The following SVIL variants were observed in gnomAD, a reference collection of about 807,000 sequenced individuals.
The protein encoded by SVIL is supervillin, also known as archvillin.
A neutral mutation model predicts 240.4 loss-of-function variants in SVIL; 101 were observed. The ratio of observed to expected loss-of-function variants is 0.42; its 90% CI spans 0.36 to 0.50. The LOEUF is 0.50. Among genes scored for constraint, SVIL ranks in the 20% least tolerant of loss-of-function variants. The pLI is 0.01. For missense variants in SVIL, 2,512 were observed against 2,818.7 expected, an observed-to-expected ratio of 0.89 and a Z score of 2.46; for synonymous variants, 999 against 1,100.0, an observed-to-expected ratio of 0.91 and a Z score of 1.82.
At chr10:29,731,029 C>T (rs942361025) in intron 1 of SVIL, among the ~76,000 whole-genome samples, 8 of 152,172 alleles carry the variant, frequency 5.3e-5, no homozygotes, top group African/African-American at 1.4e-4. Context: ...AACCATATAA[C>T]GCCTCTTCTA....
At chr10:29,577,203 A>G (rs1955739764) in intron 1 of SVIL, among the ~76,000 whole-genome samples, 1 of 152,096 alleles carries the variant, frequency 6.6e-6, no homozygotes, top group African/African-American at 2.4e-5. Context: ...AAATTTTAAT[A>G]GTTTTTTGGG....
intron 1 of SVIL, among the ~76,000 whole-genome samples, chr10:29,624,492 C>G (rs1012981469): frequency 6.6e-6 from 1 of 152,122 alleles, no homozygotes; most frequent in Admixed American, 6.5e-5. Context: ...GAGCTGAGAT[C>G]GATCATGTCA....
rs1265895709 is a variant in SVIL at position 29,463,574 on chromosome 10, C to T, written c.6195G>A (p.Glu2065=). 1 of 1,614,172 alleles carries T rather than the reference C, an allele frequency of 6.2e-7. No individual in the cohort carries two copies. The highest frequency in any genetic ancestry group is 1.1e-5 in the South Asian group (1 of 91,090). The stretch of plus-strand genomic sequence containing the variant: ...TGCGGGCGGAACCAGTGATCTTGTT[C>T]TCGATGGGCCACCAGCCTTGCCAGA... The part of the protein sequence containing the change: ...VYLWQGWWPI[E]NKITGSARIR... The change falls in exon 35 of 38, where the codon GAG becomes GAA. Residue 2065 remains glutamate, a synonymous_variant. Coordinates refer to ENST00000355867, the MANE Select transcript of SVIL (RefSeq NM_021738.3).
intron 17 of SVIL, chr10:29,507,643 C>G: frequency 5.8e-6 from 3 of 514,074 alleles, no homozygotes; most frequent in Non-Finnish European, 7.5e-6. Flanking sequence ...AAGTGAAATG[C>G]ACCAAATAAG....
intron 1 of SVIL, among the ~76,000 whole-genome samples, chr10:29,613,260 C>T (rs1355654123): frequency 1.3e-5 from 2 of 151,434 alleles, no homozygotes; most frequent in African/African-American, 4.9e-5. Context: ...ATAATCCCTA[C>T]CCTCTGGTTT....
chr10:29,516,766 C>T (rs1442469014), intron 16 of SVIL, among the ~76,000 whole-genome samples: 1 of 152,200 alleles, frequency 6.6e-6, no homozygotes, highest in African/African-American at 2.4e-5. Context: ...AGGTGCCTGC[C>T]AGGACACCCG....
rs748274067 is a variant in SVIL at position 29,512,840 on chromosome 10, G to A, written c.3411C>T (p.Ser1137=). ...IKERLALLKK[S]GEEDWRNRLS... is the part of the protein sequence containing the mutation. Reference sequence around the variant, plus strand: ...GTCTGTTTCTCCAATCTTCCTCCCCGCTTTTCTTCAACAGTGCCAATCTAG... The same window carrying A: ...GTCTGTTTCTCCAATCTTCCTCCCCACTTTTCTTCAACAGTGCCAATCTAG... Residue 1137 remains serine, a synonymous_variant, in exon 17 of 38, where the codon AGC becomes AGT. Coordinates refer to ENST00000355867, the MANE Select transcript of SVIL (RefSeq NM_021738.3). The A allele has an allele frequency of 6.2e-6, 10 of 1,610,878 alleles. No individual in the cohort carries two copies. The highest frequency in any genetic ancestry group is 1.7e-5 in the Admixed American group (1 of 60,004).
At chr10:29,554,355 A>C (rs1953700485) in intron 5 of SVIL, among the ~76,000 whole-genome samples, 1 of 152,002 alleles carries the variant, frequency 6.6e-6, no homozygotes, top group African/African-American at 2.4e-5. Flanking sequence ...TACATTTAAC[A>C]AAAAATTAGG....
intron 9 of SVIL, among the ~76,000 whole-genome samples, 178 bp downstream of exon 9, chr10:29,531,824 G>T (rs1207746193): frequency 6.6e-6 from 1 of 152,096 alleles, no homozygotes; most frequent in African/African-American, 2.4e-5. Context: ...CGCTGTAAAG[G>T]CTAATATTCT....
chr10:29,668,635 G>A lies in SVIL; in HGVS notation c.-300-10567C>T, dbSNP rs1356176683. 6.6e-5 allele frequency among the ~76,000 whole-genome samples: 10 copies of A among 152,126 alleles called. No individual in the cohort carries two copies. The East Asian group carries it at 1.4e-3, about 21-fold the overall frequency. ...ACTACAGGCACGTGCTACCACACCC[G>A]GCTAATTTTTGTATTTTTAGTAGAG... is the stretch of plus-strand genomic sequence containing the variant. On this transcript the variant is annotated intron_variant, in intron 2 of 35. Transcript: ENST00000375400.
chr10:29,547,186 G>A (rs1436591952), intron 6 of SVIL, among the ~76,000 whole-genome samples: 1 of 152,128 alleles, frequency 6.6e-6, no homozygotes, highest in Admixed American at 6.6e-5. Context: ...GACTATCTAA[G>A]CAGAATTTTA....
In SVIL at chr10:29,462,267, G is replaced by A. The variant is rs540660299; in HGVS notation, c.6402+10C>T. 5.3e-5 allele frequency: 86 copies of A among 1,613,762 alleles called. No homozygotes were observed. In the Middle Eastern group the frequency reaches 1.3e-3, roughly 25 times the overall value. On this transcript the variant is annotated intron_variant, in intron 36 of 37. Coordinates refer to ENST00000355867, the MANE Select transcript of SVIL (RefSeq NM_021738.3). ...GGAGCCACCTTCATAGGGCAGGAAAGCGTGCTCACCATCTCTGTGATCTCA... is the reference window on the plus strand; with the variant it reads ...GGAGCCACCTTCATAGGGCAGGAAAACGTGCTCACCATCTCTGTGATCTCA...
intron 1 of SVIL, among the ~76,000 whole-genome samples, chr10:29,579,458 C>CAAAACAA (rs555682682): frequency 2.6e-5 from 4 of 151,322 alleles, no homozygotes; most frequent in Non-Finnish European, 4.4e-5. Flanking sequence ...AACAAACAAA[C>CAAAACAA]AAAACAAAAA....
intron 2 of SVIL, among the ~76,000 whole-genome samples, chr10:29,664,658 AT>A (rs1959196287): frequency 6.6e-6 from 1 of 151,296 alleles, no homozygotes; most frequent in East Asian, 1.9e-4. Flanking sequence ...AGAAGAGTCA[AT>A]TTTATATTTC....
In SVIL at chr10:29,487,253, C is replaced by T. The variant is rs141677531; in HGVS notation, c.4395G>A (p.Ala1465=). The T allele has an allele frequency of 4.4e-5, 71 of 1,614,106 alleles. No homozygotes were observed. In the African/African-American group the frequency reaches 5.7e-4, roughly 13 times the overall value. ...QTRLVEPRAS[A]LNSGDCFLLL... is the part of the protein sequence containing the mutation. ...GGAGGAAGCAGTCCCCACTGTTGAG[C>T]GCCGAAGCTCGAGGTTCCACCAGCC... The change falls in exon 24 of 38, where the codon GCG becomes GCA. Residue 1465 remains alanine (A), a synonymous_variant. Coordinates refer to ENST00000355867, the MANE Select transcript of SVIL (RefSeq NM_021738.3).
intron 1 of SVIL, among the ~76,000 whole-genome samples, chr10:29,727,330 C>CATA (rs1447182301): frequency 6.6e-6 from 1 of 152,056 alleles, no homozygotes; most frequent in African/African-American, 2.4e-5. Context: ...GTGGTGTGAT[C>CATA]ATAGCTCACT....
chr10:29,619,735 T>C (rs117507859), intron 1 of SVIL, among the ~76,000 whole-genome samples: 2 of 152,238 alleles, frequency 1.3e-5, no homozygotes, highest in African/African-American at 2.4e-5. Flanking sequence ...CACCAAAGCA[T>C]AAGCTGAGGG....
chr10:29,500,776 C>T (rs1313836244), intron 17 of SVIL, among the ~76,000 whole-genome samples: 2 of 152,088 alleles, frequency 1.3e-5, no homozygotes, highest in Admixed American at 6.5e-5. Flanking sequence ...CGGAGAGCCC[C>T]GAGTCAAGAC....
Position 29,550,639 on chromosome 10 carries a change from G to T in SVIL, c.785C>A (p.Pro262His), listed in dbSNP as rs1303742532. ...GGATAGCTGTGGGTCACCAAAGGAG[G>T]GGCTCCGGGAGGCTGCCTGCTGCAG... Reference protein sequence around the residue: ...SSLQQAASRSPSFGDPQLSPE... With the variant: ...SSLQQAASRSHSFGDPQLSPE... Residue 262 changes from proline (P) to histidine (H), a missense_variant, in exon 6 of 38, where the codon CCC becomes CAC. Pro to His is a moderately conservative substitution (Grantham distance 77). Around this residue, in one of 3 missense-constraint regions of SVIL, gnomAD observed 1,443 missense variants for 1,486.6 expected, o/e 0.97. Transcript: ENST00000355867. 2.5e-6 allele frequency: 4 copies of T among 1,613,514 alleles called. No homozygotes were observed. The African/African-American group carries it at 4.0e-5, about 16-fold the overall frequency.
Sources: gnomAD v4.1 joint callset for allele counts (sites outside exome capture counted in the v4.1 genomes callset) on GRCh38, gnomAD v4.1.1 for gene constraint, gnomAD v4.1.1 regional missense constraint, MANE v1.5 for transcripts, NCBI Gene and HGNC (gene_info 2026-07-23, HGNC 2026-07-21) for gene names.